DGKI: variants seen among roughly 807,000 people sequenced by gnomAD.
The protein encoded by DGKI is DAG kinase iota.
A neutral mutation model predicts 147.5 loss-of-function variants in DGKI; 55 were observed. That is an observed-to-expected ratio of 0.37 (90% CI 0.30 to 0.47). The LOEUF (loss-of-function observed/expected upper bound fraction) is 0.47. DGKI is among the 20% of genes least tolerant of loss of function. The probability of loss-of-function intolerance (pLI) is 1.00; values close to 1 mark genes in which losing one functional copy is unlikely to be tolerated. For synonymous variants in DGKI, 469 were observed against 477.1 expected, an observed-to-expected ratio of 0.98 and a Z score of 0.22; for missense variants, 1,007 against 1,323.8, an observed-to-expected ratio of 0.76 and a Z score of 3.71.
At position 137,722,723 on chromosome 7, in the gene DGKI, G is replaced by A. The variant is rs1794604584; in HGVS notation, c.402-32721C>T. The A allele has an allele frequency of 1.9e-6, 3 of 1,580,372 alleles. No homozygotes were observed. In the Admixed American group the frequency reaches 5.0e-5, roughly 26 times the overall value. The stretch of plus-strand genomic sequence containing the variant: ...GAGAAATATGAGATTACGGAGCAGT[G>A]CAAGATTGAGCAGAAAGCTGTGGAC... On this transcript the variant is annotated intron_variant, in intron 1 of 32. Transcript: ENST00000614521.
intron 3 of DGKI, among the ~76,000 whole-genome samples, chr7:137,671,790 A>T (rs1822850323): frequency 6.6e-6 from 1 of 152,222 alleles, no homozygotes; most frequent in Admixed American, 6.5e-5. Context: ...ATTGCAAGCA[A>T]CATTAGAAGA....
intron 1 of DGKI, among the ~76,000 whole-genome samples, chr7:137,833,845 T>A (rs547154644): frequency 2.6e-5 from 4 of 152,236 alleles, no homozygotes; most frequent in Admixed American, 6.5e-5. Context: ...GTACAGCCCC[T>A]CAAGGCTACA....
At chr7:137,812,894 G>A (rs995447912) in intron 1 of DGKI, among the ~76,000 whole-genome samples, 4 of 152,288 alleles carry the variant, frequency 2.6e-5, no homozygotes, top group South Asian at 4.1e-4. Context: ...TCTTATATGT[G>A]TAAGAGAGAA....
chr7:137,561,931 A>C (rs1011331856), intron 19 of DGKI, among the ~76,000 whole-genome samples: 1 of 152,222 alleles, frequency 6.6e-6, no homozygotes, highest in Non-Finnish European at 1.5e-5. Flanking sequence ...ACAAAAACAT[A>C]ATTCAAAGAA....
chr7:137,586,784 T>C (rs1819417561), intron 13 of DGKI, among the ~76,000 whole-genome samples: 1 of 152,228 alleles, frequency 6.6e-6, no homozygotes, highest in Non-Finnish European at 1.5e-5. Flanking sequence ...GAAGTCTGTA[T>C]GATCCTTTTG....
In DGKI at chr7:137,381,165, G is replaced by GA. The variant is rs1396829689; in HGVS notation, c.*10054dup. On this transcript the variant is annotated 3_prime_UTR_variant, in exon 33 of 33. Coordinates refer to ENST00000614521, the MANE Select transcript of DGKI (RefSeq NM_001321708.2). ...TTCAGTCTCCCAAATTAACTCCATT[G>GA]AAAATCTCTGTAGTGCAACACAGTG... The GA allele has an allele frequency of 6.6e-6, 1 of 151,966 alleles. No individual in the cohort carries two copies. The highest frequency in any genetic ancestry group is 1.5e-5 in the Non-Finnish European group (1 of 67,968). The allele number at this position is 151,966 out of a possible 1,614,324, so 9.4% of individuals were successfully genotyped here.
intron 21 of DGKI, among the ~76,000 whole-genome samples, chr7:137,499,402 T>C (rs1267916912): frequency 1.3e-5 from 2 of 152,158 alleles, no homozygotes; most frequent in Admixed American, 6.5e-5. Context: ...AAACACAATT[T>C]CTGGCTGTGT....
chr7:137,589,390 C>T (rs1397325543), intron 12 of DGKI, among the ~76,000 whole-genome samples: 2 of 152,222 alleles, frequency 1.3e-5, no homozygotes, highest in African/African-American at 4.8e-5. Flanking sequence ...AACTAAAAAT[C>T]CAGACCTATA....
intron 27 of DGKI, chr7:137,452,695 A>G (rs1389967742): frequency 6.6e-6 from 1 of 152,212 alleles, no homozygotes; most frequent in East Asian, 1.9e-4. Flanking sequence ...AGGAAGGGAA[A>G]GAGAAGCTCT....
At chr7:137,760,042 T>C (rs1202235804) in intron 1 of DGKI, among the ~76,000 whole-genome samples, 2 of 152,142 alleles carry the variant, frequency 1.3e-5, no homozygotes, top group African/African-American at 2.4e-5. Context: ...ACTGAGGCAA[T>C]TGAGGCAATC....
chr7:137,588,440 G>A lies in DGKI; in HGVS notation c.1312-1230C>T, dbSNP rs542685290. 5.7e-4 allele frequency among the ~76,000 whole-genome samples: 85 copies of A among 149,824 alleles called. 1 individual carries two copies. The highest frequency in any genetic ancestry group is 3.0e-4 in the Non-Finnish European group (20 of 67,760). On this transcript the variant is annotated intron_variant, in intron 12 of 32. Transcript: ENST00000614521. ...ATAAGGTAGAAAGATTGCTCTCCAG[G>A]AGTTCACAGTAACACAAAGATGGAC...
intron 6 of DGKI, among the ~76,000 whole-genome samples, chr7:137,626,545 T>C (rs1306358680): frequency 1.3e-5 from 2 of 152,100 alleles, no homozygotes; most frequent in Non-Finnish European, 2.9e-5. Context: ...TGCTAAACTG[T>C]TCAATATGAA....
intron 1 of DGKI, among the ~76,000 whole-genome samples, chr7:137,755,432 G>C (rs547494957): frequency 6.6e-6 from 1 of 152,290 alleles, no homozygotes; most frequent in East Asian, 1.9e-4. Context: ...GGGAGAAACA[G>C]AGAATCGAGA....
At chr7:137,629,559 C>T (rs371476721) in intron 6 of DGKI, among the ~76,000 whole-genome samples, 3 of 152,190 alleles carry the variant, frequency 2.0e-5, no homozygotes, top group Non-Finnish European at 4.4e-5. Context: ...GAGACCTTCA[C>T]GTGACCCAGG....
At chr7:137,532,065 T>G (rs186803212) in intron 20 of DGKI, among the ~76,000 whole-genome samples, 1 of 151,662 alleles carries the variant, frequency 6.6e-6, no homozygotes, top group Non-Finnish European at 1.5e-5. Flanking sequence ...GAATGTGTTA[T>G]AAATAAAAAT....
rs137940526 is a variant in DGKI, at chr7:137,502,355, T to C, written c.2249-14666A>G. ...GGAGTATGATCAAATCCATGTGATATTAAAGATACATAATTGTGTGTCATG... is the reference window on the plus strand; with the variant it reads ...GGAGTATGATCAAATCCATGTGATACTAAAGATACATAATTGTGTGTCATG... On this transcript the variant is annotated intron_variant, in intron 21 of 32. Transcript: ENST00000614521. Among the ~76,000 whole-genome samples the C allele has an allele frequency of 3.0e-3, 451 of 152,264 alleles. 2 individuals carry two copies. Among genetic ancestry groups the C allele is most frequent in the African/African-American group, 0.01 (416 of 41,564 alleles).
intron 5 of DGKI, 78 bp from the exon 6 acceptor site, chr7:137,645,615 G>A: frequency 7.8e-7 from 1 of 1,280,504 alleles, no homozygotes; most frequent in Non-Finnish European, 1.1e-6. Flanking sequence ...CACCCACACT[G>A]GAGTGCAGTG....
At chr7:137,582,460 A>T (rs1406918923) in intron 14 of DGKI, among the ~76,000 whole-genome samples, 1 of 151,922 alleles carries the variant, frequency 6.6e-6, no homozygotes, top group Non-Finnish European at 1.5e-5. Context: ...ATACACACAC[A>T]CACACAATCT....
At chr7:137,571,356 T>C (rs1265185386) in intron 18 of DGKI, 70 bp from the exon 19 acceptor site, 2 of 1,075,212 alleles carry the variant, frequency 1.9e-6, no homozygotes, top group Non-Finnish European at 2.8e-6. Context: ...AGGTGTTAGT[T>C]TGTAGTTAGA....
Sources: gnomAD v4.1 joint callset for allele counts (sites outside exome capture counted in the v4.1 genomes callset) on GRCh38, gnomAD v4.1.1 for gene constraint, MANE v1.5 for transcripts, NCBI Gene and HGNC (gene_info 2026-07-23, HGNC 2026-07-21) for gene names.